EML6: variants seen among roughly 807,000 people sequenced by gnomAD.
EML6 encodes the protein echinoderm microtubule-associated protein-like 6.
A neutral mutation model predicts 240.1 loss-of-function variants in EML6; 154 were observed. The ratio of observed to expected loss-of-function variants is 0.64; its 90% CI spans 0.56 to 0.73. The LOEUF (loss-of-function observed/expected upper bound fraction) is 0.73. EML6 is among the 30% of genes least tolerant of loss of function. The pLI, the probability that EML6 is intolerant of heterozygous loss-of-function variation, is 0.00. For missense variants in EML6, 2,964 were observed against 2,474.6 expected (o/e 1.20, Z -4.20); for synonymous variants, 1,148 against 899.0 (o/e 1.28, Z -4.95).
intron 2 of EML6, among the ~76,000 whole-genome samples, chr2:54,759,323 C>G (rs1667874960): frequency 6.6e-6 from 1 of 151,154 alleles, no homozygotes; most frequent in South Asian, 2.1e-4. Context: ...GGAATACTGT[C>G]CAAAGAATTT....
intron 10 of EML6, among the ~76,000 whole-genome samples, chr2:54,853,132 A>C (rs972235733): frequency 5.3e-5 from 8 of 152,226 alleles, no homozygotes; most frequent in African/African-American, 1.9e-4. Flanking sequence ...GAGCATCCTT[A>C]AATTATGAAA....
intron 2 of EML6, among the ~76,000 whole-genome samples, chr2:54,807,097 G>C (rs1670538272): frequency 6.6e-6 from 1 of 152,014 alleles, no homozygotes. Flanking sequence ...CTGATAGAAT[G>C]CTTTTATTGA....
At chr2:54,749,492 T>A (rs1684058734) in intron 2 of EML6, among the ~76,000 whole-genome samples, 1 of 152,162 alleles carries the variant, frequency 6.6e-6, no homozygotes, top group Admixed American at 6.6e-5. Context: ...ATATTATCGA[T>A]GCAGAGAGAA....
intron 2 of EML6, among the ~76,000 whole-genome samples, chr2:54,797,171 A>AAAAAAAAAAAAAAAAC (rs1669843589): frequency 7.1e-6 from 1 of 140,726 alleles, no homozygotes; most frequent in East Asian, 2.0e-4. Context: ...TCTCAAAAAA[A>AAAAAAAAAAAAAAAAC]AAAAAAAAAA....
intron 28 of EML6, among the ~76,000 whole-genome samples, chr2:54,941,846 C>T (rs1199224314): frequency 6.6e-6 from 1 of 152,230 alleles, no homozygotes; most frequent in Non-Finnish European, 1.5e-5. Flanking sequence ...CCCCTTCGTT[C>T]TGCAAGAGTT....
chr2:54,923,658 T>C (rs888750257), intron 26 of EML6, among the ~76,000 whole-genome samples: 1 of 152,168 alleles, frequency 6.6e-6, no homozygotes, highest in African/African-American at 2.4e-5. Context: ...TATATTCAGT[T>C]GAAATACATA....
Position 54,937,553 on chromosome 2 carries a change from TAAA to T in EML6, c.4004+8829_4004+8831del, listed in dbSNP as rs34682923. ...GGGCCATAGAGCAAGACTCTGTCTT[TAAA>T]AAAAAAAAAAAAAAAAAAAAAAAAA... is the stretch of plus-strand genomic sequence containing the variant. On this transcript the variant is annotated intron_variant, in intron 28 of 41. Transcript: ENST00000356458. Among the ~76,000 whole-genome samples the T allele has an allele frequency of 7.9e-3, 538 of 68,202 alleles. 6 individuals are homozygous for T. The highest frequency in any genetic ancestry group is 0.01 in the Non-Finnish European group (405 of 38,608). 44.7% of individuals were successfully genotyped at this position (68,202 alleles called of 152,430 possible).
intron 16 of EML6, among the ~76,000 whole-genome samples, chr2:54,878,123 G>A (rs1573051623): frequency 6.6e-6 from 1 of 152,154 alleles, no homozygotes; most frequent in African/African-American, 2.4e-5. Flanking sequence ...TATAAATATT[G>A]CATGGGACAT....
intron 24 of EML6, among the ~76,000 whole-genome samples, chr2:54,907,934 AGATAGATAGAT>A (rs1673419401): frequency 1.9e-5 from 1 of 52,160 alleles, no homozygotes; most frequent in East Asian, 3.8e-4. Context: ...ATAGATAGAT[AGATAGATAGAT>A]AAGATAGATA....
intron 9 of EML6, among the ~76,000 whole-genome samples, chr2:54,849,671 A>T (rs1018835115): frequency 3.9e-5 from 6 of 152,116 alleles, no homozygotes; most frequent in African/African-American, 1.4e-4. Flanking sequence ...TGTATTTTTC[A>T]TAGAGATAGG....
intron 5 of EML6, among the ~76,000 whole-genome samples, chr2:54,822,842 T>A (rs1214748423): frequency 1.3e-5 from 2 of 152,158 alleles, no homozygotes; most frequent in Non-Finnish European, 2.9e-5. Context: ...AGAAAAAATT[T>A]AAAAATGGAG....
chr2:54,802,618 A>ATACTACTACTACTAC (rs56119525), intron 2 of EML6, among the ~76,000 whole-genome samples: 1,691 of 139,934 alleles, frequency 0.012, 14 homozygotes, highest in African/African-American at 0.017. Context: ...ACCCTGTCTC[A>ATACTACTACTACTAC]TACTACTACT....
chr2:54,736,524 G>C (rs149941494), intron 2 of EML6, among the ~76,000 whole-genome samples: 63 of 152,300 alleles, frequency 4.1e-4, no homozygotes, highest in African/African-American at 1.3e-3. Flanking sequence ...GAGGTTCTTA[G>C]TTGTCTCCAT....
chr2:54,791,305 C>T (rs1669439277), intron 2 of EML6, among the ~76,000 whole-genome samples: 1 of 152,182 alleles, frequency 6.6e-6, no homozygotes, highest in East Asian at 1.9e-4. Flanking sequence ...TTTTTCTCAT[C>T]TCTTTTGAAG....
chr2:54,959,182 A>C lies in EML6; in HGVS notation c.4774A>C (p.Lys1592Gln). Reference sequence around the variant, plus strand: ...CCACTTCCTCATCCGGCTGGTGGCCAAGGCTCACACAGGCCCCGTGTTCAC... The same window carrying C: ...CCACTTCCTCATCCGGCTGGTGGCCCAGGCTCACACAGGCCCCGTGTTCAC... Reference protein sequence around the residue: ...KDHFLIRLVAKAHTGPVFTMY... With the variant: ...KDHFLIRLVAQAHTGPVFTMY... The change falls in exon 34 of 42, where the codon AAG (lysine) becomes CAG (glutamine). Residue 1592 changes from lysine (K) to glutamine (Q), a missense_variant. Coordinates refer to ENST00000356458, the MANE Select transcript of EML6 (RefSeq NM_001039753.4). 6.4e-7 allele frequency: 1 copy of C among 1,551,652 alleles called. No homozygotes were observed. Among genetic ancestry groups the C allele is most frequent in the Non-Finnish European group, 8.7e-7 (1 of 1,146,980 alleles).
In EML6 at chr2:54,725,352, T is replaced by C; in HGVS notation, c.197+94T>C. ...CCTGGGGTCGGATCCGGGAGCCCCG[T>C]GGAATAGAGGATTCTCTCTGGAGCC... On this transcript the variant is annotated intron_variant, in intron 2 of 41. Transcript: ENST00000356458. The surrounding 1 kb of genome is among the most constrained non-coding windows in gnomAD (Gnocchi z 4.3). 1 of 933,340 alleles carries C rather than the reference T, an allele frequency of 1.1e-6. No individual in the cohort carries two copies. The allele number at this position is 933,340 out of a possible 1,614,324, so 57.8% of individuals were successfully genotyped here.
intron 5 of EML6, among the ~76,000 whole-genome samples, chr2:54,823,220 G>A (rs1427094304): frequency 6.6e-6 from 1 of 152,202 alleles, no homozygotes; most frequent in Non-Finnish European, 1.5e-5. Context: ...TGACATCCCA[G>A]CTGGCTAGAA....
chr2:54,783,014 C>T lies in EML6; in HGVS notation c.198-30218C>T, dbSNP rs1379341568. 3.9e-5 allele frequency among the ~76,000 whole-genome samples: 6 copies of T among 152,340 alleles called. No individual in the cohort carries two copies. In the East Asian group the frequency reaches 5.8e-4, roughly 15 times the overall value. Reference sequence around the variant, plus strand: ...CAGTAAATCATAGCTGTTTTTATTGCTGTCATTGCCCAATTAGCTCTGTCC... The same window carrying T: ...CAGTAAATCATAGCTGTTTTTATTGTTGTCATTGCCCAATTAGCTCTGTCC... On this transcript the variant is annotated intron_variant, in intron 2 of 41. Transcript: ENST00000356458.
intron 28 of EML6, 35 bp from the exon 29 acceptor site, chr2:54,948,847 A>C: frequency 6.6e-7 from 1 of 1,520,812 alleles, no homozygotes; most frequent in South Asian, 1.2e-5. Context: ...GCCCTTGTTC[A>C]ATGCTGTGCT....
Sources: allele counts gnomAD v4.1 joint callset (sites outside exome capture counted in the v4.1 genomes callset), GRCh38; gene constraint gnomAD v4.1.1; non-coding constraint Gnocchi (gnomAD v3.1); transcripts MANE v1.5; gene names NCBI Gene and HGNC (gene_info 2026-07-23, HGNC 2026-07-21).